Variants in RALGPS1 observed in about 807,000 individuals in gnomAD.
RALGPS1 encodes the protein Ral GEF with PH domain and SH3 binding motif 1, also known as ras-specific guanine nucleotide-releasing factor RalGPS1.
A neutral mutation model predicts 78.8 loss-of-function variants in RALGPS1; 19 were observed. That is an observed-to-expected ratio of 0.24 (90% confidence interval 0.17 to 0.35). The LOEUF is 0.35. RALGPS1 is among the 10% of genes least tolerant of loss of function. The probability of loss-of-function intolerance (pLI) is 1.00; values close to 1 mark genes in which losing one functional copy is unlikely to be tolerated. For synonymous variants in RALGPS1, 228 were observed against 256.3 expected (o/e 0.89, Z 1.06); for missense variants, 454 against 688.3 (o/e 0.66, Z 3.81).
At chr9:127,191,935 G>T (rs2061080798) in intron 11 of RALGPS1, among the ~76,000 whole-genome samples, 1 of 152,252 alleles carries the variant, frequency 6.6e-6, no homozygotes, top group Middle Eastern at 3.4e-3. Flanking sequence ...CTGACCTTGT[G>T]ATCTGCCCGC....
intron 5 of RALGPS1, among the ~76,000 whole-genome samples, chr9:127,037,674 C>T (rs1372265988): frequency 1.3e-5 from 2 of 152,224 alleles, no homozygotes; most frequent in African/African-American, 4.8e-5. Context: ...CCTGTGGTTG[C>T]AGGATGGCTA....
intron 3 of RALGPS1, among the ~76,000 whole-genome samples, chr9:126,972,456 A>G (rs1205609011): frequency 6.6e-6 from 1 of 152,250 alleles, no homozygotes; most frequent in African/African-American, 2.4e-5. Context: ...GAATTGGAAT[A>G]TCATCATTTT....
chr9:127,006,482 T>C (rs570914892), intron 4 of RALGPS1, among the ~76,000 whole-genome samples: 44 of 152,292 alleles, frequency 2.9e-4, no homozygotes, highest in African/African-American at 1.0e-3. Context: ...TATCTAAATT[T>C]AGAAAAGGCA....
At chr9:127,199,120 G>A (rs2061487571) in intron 14 of RALGPS1, 54 bp downstream of exon 14, 2 of 1,559,240 alleles carry the variant, frequency 1.3e-6, no homozygotes, top group Admixed American at 3.3e-5. Context: ...CAGGGCTGAG[G>A]GAGCCGAAGA....
rs75588143 is a variant in RALGPS1 at position 127,216,492 on chromosome 9, T to C, written c.1644+1650T>C. 5.8e-3 allele frequency among the ~76,000 whole-genome samples: 883 copies of C among 152,318 alleles called. 23 individuals carry two copies. The East Asian group carries it at 0.087, about 15-fold the overall frequency. On this transcript the variant is annotated intron_variant, in intron 18 of 18. Coordinates refer to ENST00000259351, the MANE Select transcript of RALGPS1 (RefSeq NM_014636.3). ...AAACCCTGGAAGCCTCTGTGACCCT[T>C]AGGGGGACCCTATTGTGTGACACTT...
chr9:127,216,925 G>A (rs748691383), intron 18 of RALGPS1: 1 of 1,547,512 alleles, frequency 6.5e-7, no homozygotes, highest in South Asian at 1.2e-5. Flanking sequence ...GCAGCTCCAG[G>A]TCCAACAGGA....
At chr9:126,939,129 T>C (rs1000703380) in intron 1 of RALGPS1, among the ~76,000 whole-genome samples, 2 of 152,218 alleles carry the variant, frequency 1.3e-5, no homozygotes, top group Non-Finnish European at 2.9e-5. Flanking sequence ...GTTCCCCTGA[T>C]GGGCTCTGTG....
chr9:127,178,312 A>G, intron 11 of RALGPS1: 1 of 381,386 alleles, frequency 2.6e-6, no homozygotes, highest in South Asian at 3.3e-5. Flanking sequence ...CCCGAACAGA[A>G]GTGGCAAGTG....
intron 1 of RALGPS1, among the ~76,000 whole-genome samples, chr9:126,936,909 A>C (rs1377054626): frequency 6.7e-6 from 1 of 150,274 alleles, no homozygotes. Context: ...GTACAGTGGC[A>C]TGATACTGTC....
At chr9:126,940,414 C>T (rs1251291515) in intron 1 of RALGPS1, among the ~76,000 whole-genome samples, 1 of 151,242 alleles carries the variant, frequency 6.6e-6, no homozygotes, top group African/African-American at 2.4e-5. Context: ...AGTCCCTGTC[C>T]ATTGGGCAGG....
At chr9:126,998,912 G>A (rs547860426) in intron 4 of RALGPS1, among the ~76,000 whole-genome samples, 146 of 149,080 alleles carry the variant, frequency 9.8e-4, no homozygotes, top group Middle Eastern at 3.5e-3. Context: ...GCAAACTATC[G>A]CAAGGACAAA....
chr9:127,153,327 G>A (rs917113477), intron 8 of RALGPS1, among the ~76,000 whole-genome samples: 3 of 150,474 alleles, frequency 2.0e-5, no homozygotes, highest in Admixed American at 1.3e-4. Flanking sequence ...GGGTCTCTCA[G>A]TGGCACCTGA....
intron 2 of RALGPS1, 111 bp downstream of exon 2, chr9:126,962,457 ATTC>A: frequency 9.1e-7 from 1 of 1,104,952 alleles, no homozygotes; most frequent in East Asian, 2.5e-5. Context: ...GAATACCACC[ATTC>A]TTAGCACTCC....
intron 4 of RALGPS1, among the ~76,000 whole-genome samples, chr9:126,998,211 A>G (rs1285443556): frequency 3.3e-5 from 5 of 152,228 alleles, no homozygotes; most frequent in African/African-American, 1.2e-4. Context: ...AGCAAAAGAA[A>G]CTACCATCAG....
rs548020319 is a variant in RALGPS1 at position 127,127,217 on chromosome 9, T to C, written c.611-38852T>C. Among the ~76,000 whole-genome samples the C allele has an allele frequency of 5.9e-5, 9 of 152,330 alleles. No individual in the cohort carries two copies. The South Asian group carries it at 1.7e-3, about 28-fold the overall frequency. On this transcript the variant is annotated intron_variant, in intron 8 of 18. Transcript: ENST00000259351. ...CAGACAGTAGACTGCTGCTTTCTGT[T>C]TCAGATTCATTCTTCTGTGTGTCAC...
intron 8 of RALGPS1, chr9:127,089,178 G>C (rs1455579021): frequency 6.2e-7 from 1 of 1,606,010 alleles, no homozygotes; most frequent in Admixed American, 1.7e-5. Context: ...CTGGGAGGAG[G>C]CCATTCTACT....
At chr9:127,022,621 C>T (rs551192788) in intron 4 of RALGPS1, among the ~76,000 whole-genome samples, 3 of 152,148 alleles carry the variant, frequency 2.0e-5, no homozygotes, top group Non-Finnish European at 4.4e-5. Context: ...CCCCAGGCTC[C>T]TTCTGCTCCA....
chr9:127,054,953 G>A (rs1162249751), intron 7 of RALGPS1, among the ~76,000 whole-genome samples: 1 of 151,670 alleles, frequency 6.6e-6, no homozygotes, highest in African/African-American at 2.4e-5. Flanking sequence ...CCTCCAGGTT[G>A]GGTGACAAAG....
intron 8 of RALGPS1, among the ~76,000 whole-genome samples, chr9:127,102,756 C>T (rs2053861211): frequency 2.6e-5 from 4 of 152,164 alleles, no homozygotes; most frequent in Admixed American, 6.5e-5. Flanking sequence ...GGTGGGCCAT[C>T]TTCCTAGAGT....
Sources: gnomAD v4.1 joint callset for allele counts (sites outside exome capture counted in the v4.1 genomes callset) on GRCh38, gnomAD v4.1.1 for gene constraint, MANE v1.5 for transcripts, NCBI Gene and HGNC (gene_info 2026-07-23, HGNC 2026-07-21) for gene names.